The following LOC128092252 variants were observed in gnomAD, a reference collection of about 807,000 sequenced individuals.
the LOC128092252 span, among the ~76,000 whole-genome samples, chr15:50,656,499 C>CTT: frequency 7.9e-4 from 106 of 133,508 alleles, 1 homozygote; most frequent in African/African-American, 2.8e-3. Context: ...GTGTGGTTTT[C>CTT]TTTTTTTTTT....
At chr15:50,677,756 A>C in the LOC128092252 span, among the ~76,000 whole-genome samples, 5 of 150,288 alleles carry the variant, frequency 3.3e-5, no homozygotes, top group South Asian at 2.1e-4. Flanking sequence ...AAAAAAAAAA[A>C]AAAACAAAAG....
chr15:50,685,394 T>C, the LOC128092252 span, among the ~76,000 whole-genome samples: 1 of 152,234 alleles, frequency 6.6e-6, no homozygotes, highest in African/African-American at 2.4e-5. Flanking sequence ...GAGGCGGATG[T>C]TGCAGTGAGC....
chr15:50,676,448 G>C, the LOC128092252 span, among the ~76,000 whole-genome samples: 6 of 152,086 alleles, frequency 3.9e-5, no homozygotes, highest in African/African-American at 1.4e-4. Context: ...GCTAGACACA[G>C]TGGCTCACAC....
At chr15:50,679,525 TATATATATATATA>T in the LOC128092252 span, among the ~76,000 whole-genome samples, 2 of 48,896 alleles carry the variant, frequency 4.1e-5, no homozygotes, top group South Asian at 6.2e-4. Context: ...TATATATATA[TATATATATATATA>T]TTTTTTTTTT....
At chr15:50,677,738 C>CAAAAAAAAAAAAAAA in the LOC128092252 span, among the ~76,000 whole-genome samples, 1 of 38,178 alleles carries the variant, frequency 2.6e-5, no homozygotes, top group Non-Finnish European at 5.1e-5. Flanking sequence ...GACCCCGTAT[C>CAAAAAAAAAAAAAAA]AAAAAAAAAA....
At chr15:50,668,617 C>T in the LOC128092252 span, among the ~76,000 whole-genome samples, 1 of 152,194 alleles carries the variant, frequency 6.6e-6, no homozygotes, top group Non-Finnish European at 1.5e-5. Flanking sequence ...AAGTAATTCT[C>T]CTGCCTCAGC....
chr15:50,678,616 C>T, the LOC128092252 span, among the ~76,000 whole-genome samples: 1 of 151,022 alleles, frequency 6.6e-6, no homozygotes, highest in Admixed American at 6.6e-5. Context: ...CTGCCAACTA[C>T]TCAACTAATT....
the LOC128092252 span, among the ~76,000 whole-genome samples, chr15:50,658,409 C>G: frequency 7.0e-6 from 1 of 143,590 alleles, no homozygotes; most frequent in Non-Finnish European, 1.5e-5. Context: ...TCCGTCTCTA[C>G]AAAAAAAAAA....
chr15:50,649,606 T>A, the LOC128092252 span, among the ~76,000 whole-genome samples: 1 of 152,108 alleles, frequency 6.6e-6, no homozygotes, highest in African/African-American at 2.4e-5. Flanking sequence ...GTATACAAAA[T>A]TCAAGAAACC....
At chr15:50,684,222 C>T in the LOC128092252 span, among the ~76,000 whole-genome samples, 130 of 151,616 alleles carry the variant, frequency 8.6e-4, 1 homozygote, top group African/African-American at 3.0e-3. Context: ...GCAGGATCTC[C>T]GCTTACTGCA....
At chr15:50,675,983 G>C in the LOC128092252 span, among the ~76,000 whole-genome samples, 3 of 152,054 alleles carry the variant, frequency 2.0e-5, no homozygotes, top group African/African-American at 7.2e-5. Flanking sequence ...TGTAAAATAG[G>C]ATAACAACAG....
the LOC128092252 span, chr15:50,662,881 G>A: frequency 1.1e-6 from 1 of 917,292 alleles, no homozygotes; most frequent in Non-Finnish European, 1.7e-6. Context: ...AATTTATTTA[G>A]TGGTTTTTGT....
chr15:50,686,184 G>A, the LOC128092252 span, among the ~76,000 whole-genome samples: 1 of 152,224 alleles, frequency 6.6e-6, no homozygotes, highest in Admixed American at 6.5e-5. Context: ...TGCGGAGCTT[G>A]TAGGCTGAGC....
chr15:50,649,961 G>A, the LOC128092252 span, among the ~76,000 whole-genome samples: 3 of 152,042 alleles, frequency 2.0e-5, no homozygotes, highest in Admixed American at 1.3e-4. Flanking sequence ...TTGGGAGGCC[G>A]AGACGGGCAG....
the LOC128092252 span, among the ~76,000 whole-genome samples, chr15:50,667,143 T>C: frequency 1.3e-5 from 2 of 152,070 alleles, no homozygotes; most frequent in Non-Finnish European, 2.9e-5. Flanking sequence ...TGGGGGTGTC[T>C]AATGGCAGTT....
the LOC128092252 span, among the ~76,000 whole-genome samples, chr15:50,660,480 C>T: frequency 6.6e-6 from 1 of 152,038 alleles, no homozygotes; most frequent in Admixed American, 6.6e-5. Context: ...TGGTGAAACC[C>T]CTGTCTCTAC....
At chr15:50,681,264 T>TACACACACACACACACAC in the LOC128092252 span, among the ~76,000 whole-genome samples, 2,067 of 146,968 alleles carry the variant, frequency 0.014, 26 homozygotes, top group African/African-American at 0.035. Flanking sequence ...AATAAATAAA[T>TACACACACACACACACAC]ACACACACAC....
At chr15:50,686,484 C>T in the LOC128092252 span, 9 of 1,613,994 alleles carry the variant, frequency 5.6e-6, no homozygotes, top group East Asian at 1.3e-4. Context: ...CTTTACCGCC[C>T]GCAACCCCAG....
the LOC128092252 span, among the ~76,000 whole-genome samples, chr15:50,678,246 A>AAAAAC: frequency 7.0e-6 from 1 of 142,504 alleles, no homozygotes; most frequent in African/African-American, 2.6e-5. Context: ...TCTCAAAAAA[A>AAAAAC]AAAAACAAAA....
Sources: allele counts gnomAD v4.1 joint callset (sites outside exome capture counted in the v4.1 genomes callset), GRCh38; gene constraint gnomAD v4.1.1; transcripts MANE v1.5.